The following PCDH15 variants were observed in gnomAD, a reference collection of about 807,000 sequenced individuals.
The protein encoded by PCDH15 is protocadherin-15.
Under a neutral mutation model 178.5 loss-of-function variants are expected in PCDH15, and 129 were observed. The ratio of observed to expected loss-of-function variants is 0.72; its 90% CI spans 0.63 to 0.84. The LOEUF (loss-of-function observed/expected upper bound fraction) is 0.84, where lower values mean the gene tolerates loss of function less well. PCDH15 is among the 40% of genes least tolerant of loss of function. PCDH15 has a pLI of 0.00. For missense variants in PCDH15, 2,230 were observed against 2,099.9 expected (o/e 1.06, Z -1.21); for synonymous variants, 800 against 732.0 (o/e 1.09, Z -1.50).
chr10:54,223,411 T>C (rs1210195448), intron 9 of PCDH15, among the ~76,000 whole-genome samples: 1 of 144,788 alleles, frequency 6.9e-6, no homozygotes, highest in East Asian at 1.9e-4. Flanking sequence ...TTACATTATG[T>C]ATAGAAAGTC....
At chr10:55,264,082 C>T (rs972839993) in intron 1 of PCDH15, among the ~76,000 whole-genome samples, 1 of 152,094 alleles carries the variant, frequency 6.6e-6, no homozygotes, top group Non-Finnish European at 1.5e-5. Flanking sequence ...AGCACTGTTT[C>T]TGATTGGGAA....
At chr10:54,442,414 C>CTTTTTATATATATATATA (rs1491511066) in intron 3 of PCDH15, among the ~76,000 whole-genome samples, 3 of 19,164 alleles carry the variant, frequency 1.6e-4, no homozygotes, top group African/African-American at 6.1e-4. Flanking sequence ...GCCTTAAAGG[C>CTTTTTATATATATATATA]TATATATATA....
At chr10:54,840,892 A>C (rs893793226) in intron 3 of PCDH15, among the ~76,000 whole-genome samples, 8 of 151,896 alleles carry the variant, frequency 5.3e-5, no homozygotes, top group African/African-American at 1.7e-4. Context: ...GATTGTAAAT[A>C]TATATGCACC....
In PCDH15 at chr10:54,240,076, T is replaced by A. The variant is rs190066067; in HGVS notation, c.877-3145A>T. On this transcript the variant is annotated intron_variant, in intron 8 of 37. Transcript: ENST00000644397. ...TATACATTAATTAGAAGAAACAACA[T>A]AAATAACATGCATTATGTTTGAACT... 9.9e-5 allele frequency among the ~76,000 whole-genome samples: 15 copies of A among 152,150 alleles called. No homozygotes were observed. In the East Asian group the frequency reaches 2.9e-3, roughly 29 times the overall value.
At position 54,824,843 on chromosome 10, in the gene PCDH15, G is replaced by T. The variant is rs569664118; in HGVS notation, c.-29+72607C>A. Among the ~76,000 whole-genome samples the T allele has an allele frequency of 9.9e-5, 15 of 151,800 alleles. No individual in the cohort carries two copies. The East Asian group carries it at 2.9e-3, about 29-fold the overall frequency. On this transcript the variant is annotated intron_variant, in intron 3 of 5. Coordinates refer to the PCDH15 transcript ENST00000458638. ...TGTTATCTTTCTTTATTATCAAATTGAATAAATAAATAAAAAGCCTACTTC... is the reference window on the plus strand; with the variant it reads ...TGTTATCTTTCTTTATTATCAAATTTAATAAATAAATAAAAAGCCTACTTC...
intron 21 of PCDH15, among the ~76,000 whole-genome samples, chr10:53,981,047 T>C (rs1046668280): frequency 1.3e-5 from 2 of 152,244 alleles, no homozygotes; most frequent in African/African-American, 4.8e-5. Context: ...TACTCATATC[T>C]GTATTAACAT....
chr10:54,112,218 C>G (rs752464782), intron 15 of PCDH15, among the ~76,000 whole-genome samples: 5 of 151,944 alleles, frequency 3.3e-5, no homozygotes, highest in African/African-American at 1.2e-4. Context: ...TCCTCTAAGT[C>G]GGGGTTCCTC....
chr10:54,636,953 A>G (rs2093868559), intron 2 of PCDH15, among the ~76,000 whole-genome samples: 1 of 151,938 alleles, frequency 6.6e-6, no homozygotes, highest in African/African-American at 2.4e-5. Context: ...TAATATAAGT[A>G]AACAAGATGT....
intron 1 of PCDH15, among the ~76,000 whole-genome samples, chr10:54,752,826 T>C (rs1053098195): frequency 6.6e-6 from 1 of 152,036 alleles, no homozygotes; most frequent in Non-Finnish European, 1.5e-5. Context: ...ATGGCATACA[T>C]GGAGCCACAG....
chr10:55,170,121 T>C (rs1306976891), intron 1 of PCDH15, among the ~76,000 whole-genome samples: 1 of 152,038 alleles, frequency 6.6e-6, no homozygotes, highest in Non-Finnish European at 1.5e-5. Flanking sequence ...TTGAATGTTT[T>C]ATTGTTGTTG....
intron 3 of PCDH15, among the ~76,000 whole-genome samples, chr10:54,386,146 A>ACT (rs1949906189): frequency 1.5e-5 from 2 of 135,386 alleles, no homozygotes; most frequent in Non-Finnish European, 3.1e-5. Flanking sequence ...GTGTGTGTAG[A>ACT]CTCTTTAGGG....
intron 1 of PCDH15, among the ~76,000 whole-genome samples, chr10:54,742,340 A>T (rs928533307): frequency 3.3e-5 from 5 of 152,056 alleles, no homozygotes; most frequent in Non-Finnish European, 7.4e-5. Context: ...TTTTCATAAG[A>T]TGATGGCTGG....
chr10:54,455,580 A>G (rs2076763534), intron 3 of PCDH15, among the ~76,000 whole-genome samples: 1 of 152,124 alleles, frequency 6.6e-6, no homozygotes, highest in Non-Finnish European at 1.5e-5. Flanking sequence ...TATCTGGCAG[A>G]AAAAATTCTA....
At chr10:54,744,089 G>A (rs1033287450) in intron 1 of PCDH15, among the ~76,000 whole-genome samples, 2 of 152,074 alleles carry the variant, frequency 1.3e-5, no homozygotes, top group African/African-American at 4.8e-5. Flanking sequence ...TGTCAAAGCT[G>A]CTTCTATGTT....
chr10:54,672,369 A>G (rs956905878), intron 1 of PCDH15, among the ~76,000 whole-genome samples: 2 of 152,158 alleles, frequency 1.3e-5, no homozygotes, highest in African/African-American at 4.8e-5. Flanking sequence ...GACCATTGCC[A>G]TAGATAGTGG....
rs182658415 is a variant in PCDH15, at chr10:54,287,296, A to G, written c.876+29975T>C. Among the ~76,000 whole-genome samples, 627 of 152,314 alleles carry G rather than the reference A, an allele frequency of 4.1e-3. 8 individuals carry two copies. Among genetic ancestry groups the G allele is most frequent in the African/African-American group, 0.012 (517 of 41,576 alleles). On this transcript the variant is annotated intron_variant, in intron 8 of 37. Transcript: ENST00000644397. ...AAAACAATAATGAGGCTTCTCTCTG[A>G]CCATTAATCTTGGGCTTTTATGACA...
chr10:54,373,890 T>C (rs1948043143), intron 4 of PCDH15, among the ~76,000 whole-genome samples: 1 of 152,162 alleles, frequency 6.6e-6, no homozygotes, highest in African/African-American at 2.4e-5. Context: ...AAAGTTTATG[T>C]TCAAAAGAAC....
At chr10:55,292,513 C>T (rs1843031496) in intron 1 of PCDH15, among the ~76,000 whole-genome samples, 1 of 152,068 alleles carries the variant, frequency 6.6e-6, no homozygotes. Flanking sequence ...CCTGGAGTAG[C>T]TGATATAACA....
chr10:55,440,324 T>G (rs1404725552), intron 2 of PCDH15, among the ~76,000 whole-genome samples: 1 of 152,164 alleles, frequency 6.6e-6, no homozygotes, highest in Non-Finnish European at 1.5e-5. Flanking sequence ...TATGCAACCT[T>G]GACACATTTC....
Sources: allele counts gnomAD v4.1 joint callset (sites outside exome capture counted in the v4.1 genomes callset), GRCh38; gene constraint gnomAD v4.1.1; transcripts MANE v1.5; gene names NCBI Gene and HGNC (gene_info 2026-07-23, HGNC 2026-07-21).